MRTFB: variants seen among roughly 807,000 people sequenced by gnomAD.
MRTFB encodes myocardin-related transcription factor B.
In MRTFB, 29 loss-of-function variants were observed where a neutral mutation model predicts 104.2. The ratio of observed to expected loss-of-function variants is 0.28; its 90% CI spans 0.21 to 0.38. The LOEUF (loss-of-function observed/expected upper bound fraction) is 0.38, where lower values mean the gene tolerates loss of function less well. Among genes scored for constraint, MRTFB ranks in the 10% least tolerant of loss-of-function variants. MRTFB has a pLI of 1.00. For synonymous variants in MRTFB, 535 were observed against 519.5 expected, an observed-to-expected ratio of 1.03 and a Z score of -0.41; for missense variants, 1,270 against 1,341.6, an observed-to-expected ratio of 0.95 and a Z score of 0.83.
At chr16:14,200,830 G>C (rs751884688) in intron 3 of MRTFB, 2 of 1,467,680 alleles carry the variant, frequency 1.4e-6, no homozygotes, top group Non-Finnish European at 1.9e-6. Flanking sequence ...GGTGGTTATC[G>C]TGGGTGTGGT....
At chr16:14,200,486 C>T (rs1313208657) in intron 3 of MRTFB, 8 of 1,610,596 alleles carry the variant, frequency 5.0e-6, no homozygotes, top group Non-Finnish European at 5.1e-6. Flanking sequence ...CTTATTCTTT[C>T]GAGTCAGTGC....
intron 2 of MRTFB, among the ~76,000 whole-genome samples, chr16:14,083,591 G>A (rs2034531418): frequency 6.6e-6 from 1 of 152,180 alleles, no homozygotes; most frequent in African/African-American, 2.4e-5. Context: ...ACTTCCCTCT[G>A]TTTCCCCCAT....
intron 6 of MRTFB, among the ~76,000 whole-genome samples, chr16:14,215,789 C>T (rs1053542428): frequency 1.3e-5 from 2 of 152,138 alleles, no homozygotes; most frequent in African/African-American, 4.8e-5. Flanking sequence ...ATTTATTTAC[C>T]AATATTCCAA....
chr16:14,221,417 G>A (rs1416303040), intron 8 of MRTFB, among the ~76,000 whole-genome samples: 2 of 152,262 alleles, frequency 1.3e-5, no homozygotes, highest in East Asian at 3.9e-4. Flanking sequence ...ATTTATCTTA[G>A]TAACCTCATA....
intron 3 of MRTFB, among the ~76,000 whole-genome samples, chr16:14,184,956 AG>A (rs1397549017): frequency 6.6e-6 from 1 of 152,136 alleles, no homozygotes; most frequent in Non-Finnish European, 1.5e-5. Flanking sequence ...CCAATTGTGG[AG>A]GGTTAAATTA....
intron 15 of MRTFB, among the ~76,000 whole-genome samples, chr16:14,257,039 A>G (rs1462419833): frequency 1.3e-5 from 2 of 152,250 alleles, no homozygotes; most frequent in African/African-American, 2.4e-5. Flanking sequence ...CCCCTGTGCA[A>G]TACCGCTACA....
intron 3 of MRTFB, among the ~76,000 whole-genome samples, chr16:14,172,388 G>A (rs1332699713): frequency 1.3e-5 from 2 of 152,056 alleles, no homozygotes; most frequent in Non-Finnish European, 2.9e-5. Flanking sequence ...CAGCTATATA[G>A]TATTCCATTG....
At chr16:14,120,375 T>C (rs1204390617) in intron 2 of MRTFB, among the ~76,000 whole-genome samples, 1 of 152,208 alleles carries the variant, frequency 6.6e-6, no homozygotes. Context: ...CTAAGTACTT[T>C]GGGGTCATAA....
chr16:14,003,644 C>CCTGCCTG, the MRTFB span, among the ~76,000 whole-genome samples: 444 of 10,514 alleles, frequency 0.042, 1 homozygote, highest in Non-Finnish European at 0.12. Flanking sequence ...CTGCCTGCCT[C>CCTGCCTG]CCTCCCTCCC....
intron 13 of MRTFB, 137 bp downstream of exon 13, chr16:14,249,218 C>T: frequency 9.7e-7 from 1 of 1,026,528 alleles, no homozygotes; most frequent in Non-Finnish European, 1.4e-6. Flanking sequence ...ATAGAATGAG[C>T]CTTAGGTCAG....
rs1034442672 is a variant in MRTFB, at chr16:14,137,613, A to G, written c.-63-2931A>G. Among the ~76,000 whole-genome samples the G allele has an allele frequency of 3.3e-5, 5 of 152,122 alleles. No individual in the cohort carries two copies. In the South Asian group the frequency reaches 8.3e-4, roughly 25 times the overall value. ...AAAATTCAGAGTTTTGAAAAAGTCT[A>G]GGAGTTGTATTTTAATATTCCTTAG... On this transcript the variant is annotated intron_variant, in intron 2 of 16. Transcript: ENST00000571589.
intron 15 of MRTFB, among the ~76,000 whole-genome samples, chr16:14,253,848 C>G (rs945150647): frequency 1.3e-5 from 2 of 152,160 alleles, no homozygotes; most frequent in African/African-American, 4.8e-5. Context: ...AGTCAGATTT[C>G]AAAGACGGGT....
intron 3 of MRTFB, chr16:14,186,843 A>G: frequency 6.3e-7 from 1 of 1,594,316 alleles, no homozygotes; most frequent in Non-Finnish European, 8.5e-7. Flanking sequence ...TGTTCTGCGC[A>G]CCGCACTTCG....
chr16:14,030,666 C>T, the MRTFB span, among the ~76,000 whole-genome samples: 15 of 152,314 alleles, frequency 9.8e-5, no homozygotes, highest in Admixed American at 3.3e-4. Context: ...CCTCACTTTA[C>T]AGACGAGGAA....
At chr16:14,038,201 T>A in the MRTFB span, among the ~76,000 whole-genome samples, 10 of 152,264 alleles carry the variant, frequency 6.6e-5, no homozygotes, top group African/African-American at 2.4e-4. Flanking sequence ...CACATGGTCT[T>A]CCCTCTGTGT....
At chr16:14,042,703 G>T in the MRTFB span, among the ~76,000 whole-genome samples, 1 of 152,096 alleles carries the variant, frequency 6.6e-6, no homozygotes, top group African/African-American at 2.4e-5. Flanking sequence ...GAAAGGAAGG[G>T]GGGAAGAACA....
intron 9 of MRTFB, among the ~76,000 whole-genome samples, chr16:14,238,475 T>TA: frequency 6.6e-6 from 1 of 152,084 alleles, no homozygotes; most frequent in East Asian, 1.9e-4. Flanking sequence ...TGGAGTGAAT[T>TA]GACAAAATAC....
the MRTFB span, among the ~76,000 whole-genome samples, chr16:13,999,248 G>A: frequency 6.6e-6 from 1 of 151,548 alleles, no homozygotes; most frequent in East Asian, 1.9e-4. Context: ...CTGGGTAGGA[G>A]AGGATGAAAC....
chr16:14,007,911 T>A, the MRTFB span, among the ~76,000 whole-genome samples: 3 of 152,352 alleles, frequency 2.0e-5, no homozygotes, highest in South Asian at 2.1e-4. Context: ...TTGCCTGTTT[T>A]TAATGGGGTT....
Sources: allele counts gnomAD v4.1 joint callset (sites outside exome capture counted in the v4.1 genomes callset), GRCh38; gene constraint gnomAD v4.1.1; transcripts MANE v1.5; gene names NCBI Gene and HGNC (gene_info 2026-07-23, HGNC 2026-07-21).